Variants in SP100 observed in about 807,000 individuals in gnomAD.
SP100 encodes the protein nuclear autoantigen Sp-100.
Under a neutral mutation model 130.0 loss-of-function variants are expected in SP100, and 84 were observed. The observed-to-expected ratio is 0.65, with a 90% CI of 0.54 to 0.77. The LOEUF (loss-of-function observed/expected upper bound fraction) is 0.77. Among genes scored for constraint, SP100 ranks in the 30% least tolerant of loss-of-function variants. The pLI, the probability that SP100 is intolerant of heterozygous loss-of-function variation, is 0.00. For synonymous variants in SP100, 331 were observed against 351.7 expected (o/e 0.94, Z 0.66); for missense variants, 978 against 1,052.2 (o/e 0.93, Z 0.97).
chr2:230,453,011 G>T (rs930931539), intron 8 of SP100, among the ~76,000 whole-genome samples: 3 of 151,948 alleles, frequency 2.0e-5, no homozygotes, highest in Non-Finnish European at 4.4e-5. Flanking sequence ...AATCTGTATT[G>T]GTCCATCCTC....
chr2:230,418,357 C>T (rs2062676411), intron 2 of SP100, among the ~76,000 whole-genome samples: 1 of 152,174 alleles, frequency 6.6e-6, no homozygotes, highest in Non-Finnish European at 1.5e-5. Context: ...CGCCTGCAAG[C>T]TCCATAACCT....
intron 10 of SP100, among the ~76,000 whole-genome samples, chr2:230,463,293 C>A (rs1274052541): frequency 6.6e-6 from 1 of 152,138 alleles, no homozygotes; most frequent in Non-Finnish European, 1.5e-5. Context: ...TTATTAAAAT[C>A]TTGTATTATC....
At chr2:230,526,292 C>A (rs991704708) in intron 24 of SP100, among the ~76,000 whole-genome samples, 4 of 152,182 alleles carry the variant, frequency 2.6e-5, no homozygotes, top group Admixed American at 6.5e-5. Flanking sequence ...GGACCTCCAG[C>A]AAACTCCAAC....
intron 10 of SP100, 166 bp from the exon 11 acceptor site, chr2:230,463,901 C>A: frequency 1.9e-6 from 1 of 531,994 alleles, no homozygotes; most frequent in Non-Finnish European, 3.5e-6. Context: ...TATCACTAAC[C>A]CACAATGAAG....
chr2:230,473,291 C>T (rs1029335307), intron 15 of SP100, 33 bp from the exon 16 acceptor site: 9 of 1,466,908 alleles, frequency 6.1e-6, no homozygotes, highest in Middle Eastern at 3.5e-4. Flanking sequence ...GGGGAGTGGG[C>T]ACAAATAAAA....
At chr2:230,418,996 T>C (rs9678342) in intron 2 of SP100, among the ~76,000 whole-genome samples, 76,841 of 152,016 alleles carry the variant, frequency 0.51, 20,274 homozygotes, top group African/African-American at 0.62. Flanking sequence ...TTGAAGAGAA[T>C]GGACATCTTT....
chr2:230,534,932 C>G (rs1355366146), intron 24 of SP100, among the ~76,000 whole-genome samples: 1 of 151,886 alleles, frequency 6.6e-6, no homozygotes, highest in Admixed American at 6.6e-5. Context: ...CATGGTGGCT[C>G]ACGCCTGTAA....
At chr2:230,502,957 C>A in intron 19 of SP100, 109 bp from the exon 20 acceptor site, 2 of 820,682 alleles carry the variant, frequency 2.4e-6, no homozygotes, top group Non-Finnish European at 1.9e-6. Flanking sequence ...TGATATTTTT[C>A]TTTAAGTTCT....
intron 17 of SP100, among the ~76,000 whole-genome samples, chr2:230,489,732 TC>T (rs2150035820): frequency 6.6e-6 from 1 of 152,328 alleles, no homozygotes; most frequent in Admixed American, 6.5e-5. Flanking sequence ...CTCATTGGTT[TC>T]AAAGAACTTC....
At chr2:230,442,866 A>G (rs1269947521) in intron 2 of SP100, 71 bp from the exon 3 acceptor site, 1 of 1,342,196 alleles carries the variant, frequency 7.5e-7, no homozygotes, top group African/African-American at 1.5e-5. Context: ...CTTTATATGT[A>G]AACTCTTACA....
At chr2:230,431,799 T>C (rs1331814076) in intron 2 of SP100, among the ~76,000 whole-genome samples, 1 of 152,216 alleles carries the variant, frequency 6.6e-6, no homozygotes, top group Non-Finnish European at 1.5e-5. Flanking sequence ...TCCCTGCCTA[T>C]ATTCCAGAAA....
At chr2:230,477,948 C>CAAAAAAAAA (rs5839369) in intron 17 of SP100, among the ~76,000 whole-genome samples, 3 of 133,940 alleles carry the variant, frequency 2.2e-5, no homozygotes, top group African/African-American at 2.8e-5. Context: ...ACAAAACAAA[C>CAAAAAAAAA]AAAAAAAAAA....
intron 24 of SP100, chr2:230,515,077 T>G: frequency 6.2e-7 from 1 of 1,611,142 alleles, no homozygotes; most frequent in Non-Finnish European, 8.5e-7. Flanking sequence ...ATATGCATTT[T>G]TTGTGCAAAC....
At chr2:230,515,676 G>A (rs766032951) in intron 24 of SP100, 40 of 1,571,408 alleles carry the variant, frequency 2.5e-5, no homozygotes, top group Non-Finnish European at 3.4e-5. Flanking sequence ...TGTCTATAAA[G>A]CATTTAAGCT....
rs140266901 is a variant in SP100, at chr2:230,436,137, G to A, written c.108-6800G>A. Among the ~76,000 whole-genome samples, 479 of 152,148 alleles carry A rather than the reference G, an allele frequency of 3.1e-3. 1 individual carries two copies. The highest frequency in any genetic ancestry group is 4.9e-3 in the Non-Finnish European group (333 of 67,970). On this transcript the variant is annotated intron_variant, in intron 2 of 28. Coordinates refer to ENST00000340126, the MANE Select transcript of SP100 (RefSeq NM_001080391.2). ...GCCTTTCATAATCTCTGTTTATTTA[G>A]ATCTTATTTAATTTTCTTCAATAAG...
chr2:230,542,537 G>T (rs1692218521), intron 28 of SP100, among the ~76,000 whole-genome samples: 1 of 152,270 alleles, frequency 6.6e-6, no homozygotes, highest in African/African-American at 2.4e-5. Flanking sequence ...AAACATTTCT[G>T]TACTATCATA....
intron 17 of SP100, among the ~76,000 whole-genome samples, chr2:230,478,978 G>A (rs2065699038): frequency 6.6e-6 from 1 of 152,132 alleles, no homozygotes; most frequent in African/African-American, 2.4e-5. Flanking sequence ...CCACCACCAT[G>A]CCTGGCTAAT....
chr2:230,518,043 G>A (rs1180153001), intron 24 of SP100, among the ~76,000 whole-genome samples: 1 of 152,066 alleles, frequency 6.6e-6, no homozygotes, highest in Non-Finnish European at 1.5e-5. Flanking sequence ...TTTGCGAAAC[G>A]CTTGGACTTT....
At chr2:230,424,127 C>T (rs576784549) in intron 2 of SP100, among the ~76,000 whole-genome samples, 1 of 152,242 alleles carries the variant, frequency 6.6e-6, no homozygotes, top group East Asian at 1.9e-4. Context: ...TTGTTTCTTC[C>T]CTGTAAAATG....
Sources: allele counts gnomAD v4.1 joint callset (sites outside exome capture counted in the v4.1 genomes callset), GRCh38; gene constraint gnomAD v4.1.1; transcripts MANE v1.5; gene names NCBI Gene and HGNC (gene_info 2026-07-23, HGNC 2026-07-21).